The following INPP5A variants were observed in gnomAD, a reference collection of about 807,000 sequenced individuals.
INPP5A encodes inositol polyphosphate-5-phosphatase A, also known as 43 kDa inositol polyphosphate 5-phophatase.
INPP5A carries 14 observed loss-of-function variants against 65.2 expected under a neutral mutation model. The ratio of observed to expected loss-of-function variants is 0.21; its 90% confidence interval spans 0.14 to 0.34. The LOEUF (loss-of-function observed/expected upper bound fraction) is 0.34. Among genes scored for constraint, INPP5A ranks in the 10% least tolerant of loss-of-function variants. INPP5A has a pLI of 1.00. For synonymous variants in INPP5A, 207 were observed against 208.3 expected (o/e 0.99, Z 0.05); for missense variants, 431 against 545.6 (o/e 0.79, Z 2.09).
At chr10:132,677,580 C>T (rs542867099) in intron 4 of INPP5A, among the ~76,000 whole-genome samples, 1 of 152,354 alleles carries the variant, frequency 6.6e-6, no homozygotes, top group East Asian at 1.9e-4. Context: ...GATGTACCCC[C>T]TTTGGAGAAG....
intron 8 of INPP5A, among the ~76,000 whole-genome samples, chr10:132,721,772 C>T (rs1454886787): frequency 6.6e-6 from 1 of 151,800 alleles, no homozygotes; most frequent in Non-Finnish European, 1.5e-5. Flanking sequence ...TGTCTGGGCA[C>T]CTGAGACGGC....
chr10:132,720,590 A>C (rs375249016), intron 8 of INPP5A, among the ~76,000 whole-genome samples: 1 of 115,766 alleles, frequency 8.6e-6, no homozygotes, highest in Non-Finnish European at 1.8e-5. Flanking sequence ...CTGTCTGGGC[A>C]CCTTAGACGG....
rs1010381694 is a variant in INPP5A at position 132,678,609 on chromosome 10, A to G, written c.307-11783A>G. ...GCCCAGAGGGTGTGGTGCCTCTCTC[A>G]TTGCCCAGGAGCCGTGGAATTCCTG... On this transcript the variant is annotated intron_variant, in intron 4 of 15. Transcript: ENST00000368594. The surrounding 1 kb of genome is among the most constrained non-coding windows in gnomAD (Gnocchi z 4.1). Among the ~76,000 whole-genome samples, 4 of 152,156 alleles carry G rather than the reference A, an allele frequency of 2.6e-5. No individual in the cohort carries two copies. The highest frequency in any genetic ancestry group is 9.6e-5 in the African/African-American group (4 of 41,508).
chr10:132,597,442 A>G (rs185304692), intron 1 of INPP5A, among the ~76,000 whole-genome samples: 9 of 152,318 alleles, frequency 5.9e-5, no homozygotes, highest in African/African-American at 1.7e-4. Flanking sequence ...GTTTGTTGTG[A>G]AAGTGCTTAC....
At position 132,616,496 on chromosome 10, in the gene INPP5A, A is replaced by T. The variant is rs1310416124; in HGVS notation, c.117+8540A>T. On this transcript the variant is annotated intron_variant, in intron 2 of 15. Coordinates refer to ENST00000368594, the MANE Select transcript of INPP5A (RefSeq NM_005539.5). This position sits in a 1 kb window ranked among gnomAD's most constrained non-coding sequence, Gnocchi z 4.9. The stretch of plus-strand genomic sequence containing the variant: ...GTGGTGTAGAATGTGGTGCTGATGG[A>T]TGTGGTGTGTGTGGGATGCTGTGGT... 6.6e-6 allele frequency among the ~76,000 whole-genome samples: 1 copy of T among 151,600 alleles called. No individual in the cohort carries two copies. Among genetic ancestry groups the T allele is most frequent in the Non-Finnish European group, 1.5e-5 (1 of 67,864 alleles).
rs113510087 is a variant in INPP5A, at chr10:132,673,237, G to A, written c.307-17155G>A. Among the ~76,000 whole-genome samples the A allele has an allele frequency of 6.3e-3, 957 of 152,256 alleles. 9 individuals carry two copies. Among genetic ancestry groups the A allele is most frequent in the African/African-American group, 0.021 (893 of 41,542 alleles). ...CAGTGGGATTGCTGTTTGGTCTCGC[G>A]GTGGCAGCATTCTTCCCTCTGGAAC... On this transcript the variant is annotated intron_variant, in intron 4 of 15. Transcript: ENST00000368594.
At position 132,621,800 on chromosome 10, in the gene INPP5A, T is replaced by TA. The variant is rs559587838; in HGVS notation, c.117+13847dup. On this transcript the variant is annotated intron_variant, in intron 2 of 15. Transcript: ENST00000368594. ...GGGGTATGTCTTTTTTTTTTTTTTT[T>TA]AAATCTGTGTAGCTGTCTTATTTAG... Among the ~76,000 whole-genome samples, 415 of 151,208 alleles carry TA rather than the reference T, an allele frequency of 2.7e-3. 2 individuals carry two copies. The highest frequency in any genetic ancestry group is 9.6e-3 in the African/African-American group (395 of 41,300).
intron 1 of INPP5A, among the ~76,000 whole-genome samples, chr10:132,586,038 C>T (rs901010972): frequency 6.6e-6 from 1 of 152,220 alleles, no homozygotes; most frequent in East Asian, 1.9e-4. Flanking sequence ...ACCTGGCCAG[C>T]GCTTCTGTCC....
At chr10:132,666,629 A>G (rs2072808482) in intron 4 of INPP5A, among the ~76,000 whole-genome samples, 1 of 151,026 alleles carries the variant, frequency 6.6e-6, no homozygotes, top group Non-Finnish European at 1.5e-5. Context: ...TTGTCTGGGA[A>G]AACCCTGAAG....
At position 132,549,153 on chromosome 10, in the gene INPP5A, C is replaced by T. The variant is rs1457388403; in HGVS notation, c.75+10982C>T. On this transcript the variant is annotated intron_variant, in intron 1 of 15. Coordinates refer to ENST00000368594, the MANE Select transcript of INPP5A (RefSeq NM_005539.5). This position sits in a 1 kb window ranked among gnomAD's most constrained non-coding sequence, Gnocchi z 4.9. ...TGAGTGGAGGCATACCTCGTTTCTCCAGTCGCCCACAGATGGACGTCGGGG... is the reference window on the plus strand; with the variant it reads ...TGAGTGGAGGCATACCTCGTTTCTCTAGTCGCCCACAGATGGACGTCGGGG... 1.3e-5 allele frequency among the ~76,000 whole-genome samples: 2 copies of T among 152,144 alleles called. No homozygotes were observed. Among genetic ancestry groups the T allele is most frequent in the African/African-American group, 4.8e-5 (2 of 41,436 alleles).
At chr10:132,562,134 G>C (rs1259941904) in intron 1 of INPP5A, among the ~76,000 whole-genome samples, 4 of 152,272 alleles carry the variant, frequency 2.6e-5, no homozygotes, top group Non-Finnish European at 5.9e-5. Context: ...CACCTGCACT[G>C]TGCACCGTGA....
chr10:132,709,417 A>T, intron 7 of INPP5A, among the ~76,000 whole-genome samples: 1 of 129,790 alleles, frequency 7.7e-6, no homozygotes, highest in Non-Finnish European at 1.6e-5. Flanking sequence ...GGGGAGAGAA[A>T]GAGGAAGAAG....
chr10:132,778,917 T>G (rs1847112559), intron 13 of INPP5A, among the ~76,000 whole-genome samples: 1 of 152,210 alleles, frequency 6.6e-6, no homozygotes, highest in Non-Finnish European at 1.5e-5. Flanking sequence ...GTCCCTGAGA[T>G]GCACCCTGCT....
At chr10:132,757,594 C>T (rs893779855) in intron 11 of INPP5A, among the ~76,000 whole-genome samples, 1 of 152,250 alleles carries the variant, frequency 6.6e-6, no homozygotes, top group Non-Finnish European at 1.5e-5. Flanking sequence ...CCCCGTCGTT[C>T]CGTGACACGT....
chr10:132,650,497 C>T lies in INPP5A; in HGVS notation c.298C>T (p.His100Tyr). Residue 100 changes from histidine (H) to tyrosine (Y), a missense_variant, in exon 4 of 16, where the codon CAC becomes TAC. Transcript: ENST00000368594. This position sits in a 1 kb window ranked among gnomAD's most constrained non-coding sequence, Gnocchi z 5.5. ...GGATGAAAACTACAAATCCCAGGAG[C>T]ACTTCACGGTGAGTCCCTCCCGCTG... ...YLDENYKSQE[H>Y]FTALGSFYFL... is the part of the protein sequence containing the mutation. The T allele has an allele frequency of 8.1e-6, 13 of 1,612,094 alleles. No individual in the cohort carries two copies. The highest frequency in any genetic ancestry group is 1.0e-5 in the Non-Finnish European group (12 of 1,178,498).
At chr10:132,562,758 C>T (rs2071222536) in intron 1 of INPP5A, among the ~76,000 whole-genome samples, 1 of 152,252 alleles carries the variant, frequency 6.6e-6, no homozygotes, top group South Asian at 2.1e-4. Context: ...AAAGTCACCC[C>T]ACGCCCAGGA....
chr10:132,587,884 C>A lies in INPP5A; in HGVS notation c.76-20031C>A, dbSNP rs1004401721. On this transcript the variant is annotated intron_variant, in intron 1 of 15. Transcript: ENST00000368594. This position sits in a 1 kb window ranked among gnomAD's most constrained non-coding sequence, Gnocchi z 4.3. ...AAAATTAGCCGGGCATGGTGGTGCA[C>A]GCCTGTAATCCCAGCTACTTAGGAG... Among the ~76,000 whole-genome samples the A allele has an allele frequency of 6.6e-6, 1 of 151,854 alleles. No individual in the cohort carries two copies. The highest frequency in any genetic ancestry group is 2.4e-5 in the African/African-American group (1 of 41,322).
chr10:132,614,846 C>G (rs920733406), intron 2 of INPP5A, among the ~76,000 whole-genome samples: 1 of 152,264 alleles, frequency 6.6e-6, no homozygotes, highest in South Asian at 2.1e-4. Flanking sequence ...TTCTATCCTA[C>G]AAGGACACGG....
At chr10:132,576,629 A>G (rs2071414538) in intron 1 of INPP5A, among the ~76,000 whole-genome samples, 1 of 152,270 alleles carries the variant, frequency 6.6e-6, no homozygotes, top group Non-Finnish European at 1.5e-5. Context: ...AACAGGATGC[A>G]AACGAGAGTG....
Sources: gnomAD v4.1 joint callset for allele counts (sites outside exome capture counted in the v4.1 genomes callset) on GRCh38, gnomAD v4.1.1 for gene constraint, Gnocchi (gnomAD v3.1) non-coding constraint, MANE v1.5 for transcripts, NCBI Gene and HGNC (gene_info 2026-07-23, HGNC 2026-07-21) for gene names.